The following BCKDHB variants were observed in gnomAD, a reference collection of about 807,000 sequenced individuals.
The protein encoded by BCKDHB is branched chain keto acid dehydrogenase E1 subunit beta, also known as 2-oxoisovalerate dehydrogenase subunit beta, mitochondrial.
A neutral mutation model predicts 48.5 loss-of-function variants in BCKDHB; 41 were observed. That is an observed-to-expected ratio of 0.85 (90% CI 0.66 to 1.10). The LOEUF is 1.10. BCKDHB is among the 50% of genes least tolerant of loss of function. The pLI is 0.00. For missense variants in BCKDHB, 496 were observed against 494.2 expected, an observed-to-expected ratio of 1.00 and a Z score of -0.03; for synonymous variants, 201 against 174.8, an observed-to-expected ratio of 1.15 and a Z score of -1.18.
chr6:80,223,652 G>C (rs1047452300), intron 8 of BCKDHB, among the ~76,000 whole-genome samples: 5 of 152,036 alleles, frequency 3.3e-5, no homozygotes, highest in Admixed American at 6.6e-5. Context: ...TAGCTGGATT[G>C]GTGGGCAGGA....
intron 6 of BCKDHB, among the ~76,000 whole-genome samples, chr6:80,195,624 C>T (rs760093720): frequency 6.6e-6 from 1 of 152,050 alleles, no homozygotes; most frequent in Non-Finnish European, 1.5e-5. Flanking sequence ...ATATTTTCTT[C>T]CTAAGAGCTG....
intron 8 of BCKDHB, among the ~76,000 whole-genome samples, chr6:80,220,402 A>G (rs1431439128): frequency 2.5e-5 from 1 of 39,928 alleles, no homozygotes; most frequent in Non-Finnish European, 4.8e-5. Context: ...TTTCTTTAGT[A>G]GTGTTTTTTT....
At chr6:80,176,905 T>C (rs1254119204) in intron 6 of BCKDHB, among the ~76,000 whole-genome samples, 17 of 152,174 alleles carry the variant, frequency 1.1e-4, no homozygotes, top group Admixed American at 1.1e-3. Flanking sequence ...ATGTAGACTT[T>C]AAATATTAAA....
intron 3 of BCKDHB, among the ~76,000 whole-genome samples, chr6:80,162,938 T>C (rs774854550): frequency 2.0e-5 from 3 of 151,974 alleles, no homozygotes; most frequent in Admixed American, 6.6e-5. Context: ...CTCTTTTTTT[T>C]TTAAGACAGA....
At chr6:80,385,107 A>C in the BCKDHB span, among the ~76,000 whole-genome samples, 1 of 152,178 alleles carries the variant, frequency 6.6e-6, no homozygotes, top group Non-Finnish European at 1.5e-5. Flanking sequence ...TATGAGGAGA[A>C]CCAAGGACAT....
At chr6:80,231,467 C>T (rs1337325282) in intron 8 of BCKDHB, among the ~76,000 whole-genome samples, 1 of 152,140 alleles carries the variant, frequency 6.6e-6, no homozygotes, top group African/African-American at 2.4e-5. Context: ...GGGCTATTTT[C>T]TTTACATCCA....
intron 3 of BCKDHB, among the ~76,000 whole-genome samples, chr6:80,161,658 G>C (rs932169477): frequency 6.6e-6 from 1 of 152,144 alleles, no homozygotes; most frequent in Non-Finnish European, 1.5e-5. Context: ...GTGTCCACAT[G>C]GATGGTCTTT....
intron 9 of BCKDHB, among the ~76,000 whole-genome samples, chr6:80,292,236 G>C (rs1406296910): frequency 6.6e-6 from 1 of 152,130 alleles, no homozygotes; most frequent in Non-Finnish European, 1.5e-5. Flanking sequence ...TTCAGTTAAA[G>C]CCTTGGTGTA....
chr6:80,113,675 G>T (rs1769533791), intron 1 of BCKDHB, among the ~76,000 whole-genome samples: 1 of 152,178 alleles, frequency 6.6e-6, no homozygotes, highest in Admixed American at 6.5e-5. Flanking sequence ...CAGGTTCTTG[G>T]CATTTTGAAC....
intron 6 of BCKDHB, among the ~76,000 whole-genome samples, chr6:80,177,557 A>G (rs1263785465): frequency 6.6e-6 from 1 of 152,140 alleles, no homozygotes; most frequent in Non-Finnish European, 1.5e-5. Flanking sequence ...GTTTTTCCTA[A>G]TAATATTTAT....
At chr6:80,305,029 C>T (rs897441800) in intron 9 of BCKDHB, among the ~76,000 whole-genome samples, 2 of 151,934 alleles carry the variant, frequency 1.3e-5, no homozygotes, top group Non-Finnish European at 2.9e-5. Flanking sequence ...TTGTTGTACT[C>T]GATGTCCTAG....
chr6:80,267,701 T>C (rs1228768201), intron 8 of BCKDHB, among the ~76,000 whole-genome samples: 1 of 152,150 alleles, frequency 6.6e-6, no homozygotes, highest in East Asian at 1.9e-4. Context: ...TGTCCACTTT[T>C]AATTTTGCAA....
At chr6:80,401,442 G>A in the BCKDHB span, among the ~76,000 whole-genome samples, 5 of 151,428 alleles carry the variant, frequency 3.3e-5, no homozygotes, top group Admixed American at 2.6e-4. Flanking sequence ...TACCCTCTTA[G>A]CAAATGTTAA....
the BCKDHB span, among the ~76,000 whole-genome samples, chr6:80,407,817 T>C: frequency 1.3e-5 from 2 of 152,180 alleles, no homozygotes; most frequent in Non-Finnish European, 2.9e-5. Context: ...CAATTTGACT[T>C]CCTCTTTTTC....
chr6:80,364,934 A>G, the BCKDHB span, among the ~76,000 whole-genome samples: 1 of 152,216 alleles, frequency 6.6e-6, no homozygotes, highest in Non-Finnish European at 1.5e-5. Context: ...CAGCTGGGCT[A>G]CTGGGGGTGA....
At chr6:80,158,701 C>T (rs546444499) in intron 3 of BCKDHB, among the ~76,000 whole-genome samples, 1 of 152,244 alleles carries the variant, frequency 6.6e-6, no homozygotes, top group Non-Finnish European at 1.5e-5. Flanking sequence ...TCACACTGAT[C>T]AATCAGTGGA....
chr6:80,448,474 C>T, the BCKDHB span, among the ~76,000 whole-genome samples: 2 of 152,058 alleles, frequency 1.3e-5, no homozygotes, highest in African/African-American at 4.8e-5. Flanking sequence ...AGAGAGCTAA[C>T]GGTGGTTGGG....
At chr6:80,427,034 A>G in the BCKDHB span, among the ~76,000 whole-genome samples, 1 of 152,104 alleles carries the variant, frequency 6.6e-6, no homozygotes, top group Non-Finnish European at 1.5e-5. Flanking sequence ...TAGATATGCA[A>G]ACATTTAGGA....
chr6:80,205,428 GA>G (rs1409399283), intron 8 of BCKDHB, among the ~76,000 whole-genome samples: 2 of 151,932 alleles, frequency 1.3e-5, no homozygotes, highest in African/African-American at 4.8e-5. Context: ...GCCTGATCAA[GA>G]AAAGAAAGCA....
Sources: gnomAD v4.1 joint callset for allele counts (sites outside exome capture counted in the v4.1 genomes callset) on GRCh38, gnomAD v4.1.1 for gene constraint, MANE v1.5 for transcripts, NCBI Gene and HGNC (gene_info 2026-07-23, HGNC 2026-07-21) for gene names.